TIE1: variants seen among roughly 807,000 people sequenced by gnomAD.
TIE1 encodes the protein tyrosine kinase with immunoglobulin like and EGF like domains 1.
In TIE1, 89 loss-of-function variants were observed where a neutral mutation model predicts 130.5. That is an observed-to-expected ratio of 0.68 (90% CI 0.57 to 0.81). TIE1 has a LOEUF of 0.81. TIE1 is among the 40% of genes least tolerant of loss of function. TIE1 has a pLI of 0.00. For synonymous variants in TIE1, 568 were observed against 629.4 expected (o/e 0.90, Z 1.46); for missense variants, 1,392 against 1,559.8 (o/e 0.89, Z 1.81).
Position 43,307,751 on chromosome 1 carries a change from G to A in TIE1, c.914-45G>A. 1.2e-6 allele frequency: 2 copies of A among 1,610,592 alleles called. No homozygotes were observed. Among genetic ancestry groups the A allele is most frequent in the East Asian group, 2.2e-5 (1 of 44,748 alleles). On this transcript the variant is annotated intron_variant, in intron 6 of 22. Coordinates refer to ENST00000372476, the MANE Select transcript of TIE1 (RefSeq NM_005424.5). This position sits in a 1 kb window ranked among gnomAD's most constrained non-coding sequence, Gnocchi z 5.4. ...CTGCGCCCTCATCTGTGCCCTCATT[G>A]CCCCCTGTCCCATGCCCCTCTAATC...
At position 43,322,609 on chromosome 1, in the gene TIE1, A is replaced by T. The variant is rs759321448; in HGVS notation, c.3346-42A>T. ...AGTCCAGGAGCTTGAGGCCAGATGC[A>T]CCCCCATTCCTGGCCCCCACTAAAG... On this transcript the variant is annotated intron_variant, in intron 22 of 22. Transcript: ENST00000372476. This position sits in a 1 kb window ranked among gnomAD's most constrained non-coding sequence, Gnocchi z 4.0. 1 of 1,551,832 alleles carries T rather than the reference A, an allele frequency of 6.4e-7. No homozygotes were observed. The highest frequency in any genetic ancestry group is 1.4e-5 in the African/African-American group (1 of 73,672).
At chr1:43,310,176 T>C (rs966312070) in intron 9 of TIE1, among the ~76,000 whole-genome samples, 1 of 152,040 alleles carries the variant, frequency 6.6e-6, no homozygotes, top group African/African-American at 2.4e-5. Flanking sequence ...TCTCACCTTC[T>C]GCTTTCTCGT....
intron 7 of TIE1, among the ~76,000 whole-genome samples, chr1:43,308,403 A>G (rs1646752380): frequency 6.8e-6 from 1 of 148,084 alleles, no homozygotes; most frequent in Non-Finnish European, 1.5e-5. Flanking sequence ...GGAGTAGGGG[A>G]CCCAGGGATT....
chr1:43,313,457 G>C lies in TIE1; in HGVS notation c.2218+32G>C. ...GGGCAGGGCCCACAGGACCCCCCGGGCTCTGAGCGGGGAGAGCTCAGCACG... is the reference window on the plus strand; with the variant it reads ...GGGCAGGGCCCACAGGACCCCCCGGCCTCTGAGCGGGGAGAGCTCAGCACG... On this transcript the variant is annotated intron_variant, in intron 13 of 22. Transcript: ENST00000372476. This position sits in a 1 kb window ranked among gnomAD's most constrained non-coding sequence, Gnocchi z 6.2. 6.2e-7 allele frequency: 1 copy of C among 1,611,286 alleles called. No individual in the cohort carries two copies. The highest frequency in any genetic ancestry group is 2.2e-5 in the East Asian group (1 of 44,830).
rs561562095 is a variant in TIE1 at position 43,315,945 on chromosome 1, A to G, written c.2410-1254A>G. 7.9e-5 allele frequency among the ~76,000 whole-genome samples: 12 copies of G among 151,874 alleles called. No homozygotes were observed. In the South Asian group the frequency reaches 2.5e-3, roughly 32 times the overall value. On this transcript the variant is annotated intron_variant, in intron 14 of 22. Coordinates refer to ENST00000372476, the MANE Select transcript of TIE1 (RefSeq NM_005424.5). The surrounding 1 kb of genome is among the most constrained non-coding windows in gnomAD (Gnocchi z 4.4). Reference sequence around the variant, plus strand: ...GTGGAGGTGTGCACCTGTGGTCCCAACTACTCGGGAGGCTGAGGTGGGAGG... The same window carrying G: ...GTGGAGGTGTGCACCTGTGGTCCCAGCTACTCGGGAGGCTGAGGTGGGAGG...
At chr1:43,305,691 G>A (rs1053116576) in intron 3 of TIE1, among the ~76,000 whole-genome samples, 1 of 152,192 alleles carries the variant, frequency 6.6e-6, no homozygotes, top group Admixed American at 6.5e-5. Context: ...AGGAGGAAGA[G>A]AACTGGTAAC....
intron 14 of TIE1, chr1:43,314,413 C>G: frequency 9.0e-7 from 1 of 1,109,890 alleles, no homozygotes; most frequent in Non-Finnish European, 1.1e-6. Context: ...CAGCCTCTGT[C>G]TGCACACATC....
At position 43,319,376 on chromosome 1, in the gene TIE1, G is replaced by A. The variant is rs201789930; in HGVS notation, c.3036+28G>A. The A allele has an allele frequency of 6.2e-7, 1 of 1,612,724 alleles. No homozygotes were observed. Among genetic ancestry groups the A allele is most frequent in the East Asian group, 2.2e-5 (1 of 44,874 alleles). On this transcript the variant is annotated intron_variant, in intron 18 of 22. Coordinates refer to ENST00000372476, the MANE Select transcript of TIE1 (RefSeq NM_005424.5). The surrounding 1 kb of genome is among the most constrained non-coding windows in gnomAD (Gnocchi z 4.7). ...GAGTCTCATTCAACCCTCACCCTTA[G>A]GGCTTGTGCCTGGCCCTGCCCCACA...
In TIE1 at chr1:43,313,064, A is replaced by C. The variant is rs1157010132; in HGVS notation, c.1928-71A>C. The C allele has an allele frequency of 6.6e-7, 1 of 1,507,110 alleles. No individual in the cohort carries two copies. Among genetic ancestry groups the C allele is most frequent in the East Asian group, 2.3e-5 (1 of 44,098 alleles). 93.4% of individuals were successfully genotyped at this position (1,507,110 alleles called of 1,614,324 possible). ...ACAGAGGAGGGAGCACAGCTAGAGC[A>C]GATGTGTCCAGCCCCACAGCTACAT... On this transcript the variant is annotated intron_variant, in intron 12 of 22. Coordinates refer to ENST00000372476, the MANE Select transcript of TIE1 (RefSeq NM_005424.5). This position sits in a 1 kb window ranked among gnomAD's most constrained non-coding sequence, Gnocchi z 6.2.
chr1:43,311,798 G>GGACAGTACC lies in TIE1; in HGVS notation c.1462_1470dup (p.Asp488_Thr490dup). ...CTGTCCGCCTGCACTACCGGCCCCA[G>GGACAGTACC]GACAGTACCATGGACTGGTCGACCA... On this transcript the variant is annotated inframe_insertion, in exon 10 of 23. Transcript: ENST00000372476. 1 of 1,614,046 alleles carries GGACAGTACC rather than the reference G, an allele frequency of 6.2e-7. No homozygotes were observed. The highest frequency in any genetic ancestry group is 1.3e-5 in the African/African-American group (1 of 75,040).
At position 43,313,148 on chromosome 1, in the gene TIE1, C is replaced by T; in HGVS notation, c.1941C>T (p.Pro647=). ...CCATCTCCCCAGGGCCTCCAGCCCC[C>T]CGACACCTCCACGCCCAGGCCCTCT... ...VLLPPSGPPA[P]RHLHAQALSD... Residue 647 remains proline (P), a synonymous_variant, in exon 13 of 23, where the codon CCC becomes CCT. Coordinates refer to ENST00000372476, the MANE Select transcript of TIE1 (RefSeq NM_005424.5). The surrounding 1 kb of genome is among the most constrained non-coding windows in gnomAD (Gnocchi z 6.2). 2 of 1,605,172 alleles carry T rather than the reference C, an allele frequency of 1.2e-6. No individual in the cohort carries two copies. The highest frequency in any genetic ancestry group is 1.7e-6 in the Non-Finnish European group (2 of 1,176,050).
chr1:43,301,061 G>T lies in TIE1; in HGVS notation c.-11G>T. 1 of 1,613,650 alleles carries T rather than the reference G, an allele frequency of 6.2e-7. No homozygotes were observed. ...AGCTCGTCCTGGCTGGCCTGGGTCG[G>T]CCTCTGGAGTATGGTCTGGCGGGTG... is the stretch of plus-strand genomic sequence containing the variant. On this transcript the variant is annotated 5_prime_UTR_variant, in exon 1 of 23. Coordinates refer to ENST00000372476, the MANE Select transcript of TIE1 (RefSeq NM_005424.5).
In TIE1 at chr1:43,311,637, G is replaced by C. The variant is rs377522112; in HGVS notation, c.1334-34G>C. ...GATGCAGAAGTGGACTGGATAGGCT[G>C]TGTGCCCATGCCTTACCCTGAGTCT... is the stretch of plus-strand genomic sequence containing the variant. On this transcript the variant is annotated intron_variant, in intron 9 of 22. Coordinates refer to ENST00000372476, the MANE Select transcript of TIE1 (RefSeq NM_005424.5). 48 of 1,597,692 alleles carry C rather than the reference G, an allele frequency of 3.0e-5. No individual in the cohort carries two copies. In the African/African-American group the frequency reaches 5.5e-4, roughly 18 times the overall value.
At chr1:43,311,078 G>A (rs541829616) in intron 9 of TIE1, among the ~76,000 whole-genome samples, 2 of 152,302 alleles carry the variant, frequency 1.3e-5, no homozygotes, top group South Asian at 2.1e-4. Flanking sequence ...GAGTAGAATG[G>A]ATAGATCTGA....
Position 43,313,534 on chromosome 1 carries a change from C to A in TIE1, c.2218+109C>A. Reference sequence around the variant, plus strand: ...TGGAGCTAGGGCATCCCAGGCCCCTCCTGACAAAGAGTCAGCCCCAGTCCT... The same window carrying A: ...TGGAGCTAGGGCATCCCAGGCCCCTACTGACAAAGAGTCAGCCCCAGTCCT... On this transcript the variant is annotated intron_variant, in intron 13 of 22. Transcript: ENST00000372476. This position sits in a 1 kb window ranked among gnomAD's most constrained non-coding sequence, Gnocchi z 6.2. 2 of 1,384,440 alleles carry A rather than the reference C, an allele frequency of 1.4e-6. No individual in the cohort carries two copies. Among genetic ancestry groups the A allele is most frequent in the African/African-American group, 1.4e-5 (1 of 69,910 alleles). 85.8% of individuals were successfully genotyped at this position (1,384,440 alleles called of 1,614,324 possible).
chr1:43,304,079 C>CG (rs11390735), intron 1 of TIE1, among the ~76,000 whole-genome samples: 42,631 of 152,170 alleles, frequency 0.28, 7,188 homozygotes, highest in East Asian at 0.52. Context: ...GGGCCCAGCC[C>CG]CAAGCTTAGC....
intron 14 of TIE1, chr1:43,314,568 C>G: frequency 1.0e-5 from 10 of 988,998 alleles, no homozygotes; most frequent in Non-Finnish European, 1.2e-5. Context: ...TGACTTGCAC[C>G]TGTAATCCTA....
Position 43,319,418 on chromosome 1 carries a change from C to G in TIE1, c.3037-41C>G. 6.2e-7 allele frequency: 1 copy of G among 1,613,112 alleles called. No individual in the cohort carries two copies. Among genetic ancestry groups the G allele is most frequent in the Non-Finnish European group, 8.5e-7 (1 of 1,179,100 alleles). ...TGCCCCACAGGAGCCTCAAACAGGCCCTTCCTCCACACTCAGCCCCTCAAA... is the reference window on the plus strand; with the variant it reads ...TGCCCCACAGGAGCCTCAAACAGGCGCTTCCTCCACACTCAGCCCCTCAAA... On this transcript the variant is annotated intron_variant, in intron 18 of 22. Coordinates refer to ENST00000372476, the MANE Select transcript of TIE1 (RefSeq NM_005424.5). This position sits in a 1 kb window ranked among gnomAD's most constrained non-coding sequence, Gnocchi z 4.7.
In TIE1 at chr1:43,312,439, C is replaced by G; in HGVS notation, c.1765C>G (p.Arg589Gly). 6.2e-7 allele frequency: 1 copy of G among 1,611,780 alleles called. No homozygotes were observed. The highest frequency in any genetic ancestry group is 8.5e-7 in the Non-Finnish European group (1 of 1,179,488). Reference protein sequence around the residue: ...GFLLRLWDGTRGQERRENVSS... With the variant: ...GFLLRLWDGTGGQERRENVSS... ...CCTGCTGCGCCTGTGGGACGGGACACGGGGGCAGGAGCGGCGGGAGAACGT... is the reference window on the plus strand; with the variant it reads ...CCTGCTGCGCCTGTGGGACGGGACAGGGGGGCAGGAGCGGCGGGAGAACGT... Residue 589 changes from arginine to glycine, a missense_variant, in exon 12 of 23, where the codon CGG becomes GGG. Arg to Gly is a moderately radical substitution (Grantham distance 125). Around this residue, in one of 6 missense-constraint regions of TIE1, gnomAD observed 551 missense variants for 565.5 expected, o/e 0.97. Coordinates refer to ENST00000372476, the MANE Select transcript of TIE1 (RefSeq NM_005424.5). This position sits in a 1 kb window ranked among gnomAD's most constrained non-coding sequence, Gnocchi z 5.6.
Sources: gnomAD v4.1 joint callset for allele counts (sites outside exome capture counted in the v4.1 genomes callset) on GRCh38, gnomAD v4.1.1 for gene constraint, gnomAD v4.1.1 regional missense constraint, Gnocchi (gnomAD v3.1) non-coding constraint, MANE v1.5 for transcripts, NCBI Gene and HGNC (gene_info 2026-07-23, HGNC 2026-07-21) for gene names.